MYOCOS: variants seen among roughly 807,000 people sequenced by gnomAD.
MYOCOS encodes myocilin opposite strand.
chr1:171,603,988 AT>A (rs569886176), intron 1 of MYOCOS: 2 of 152,180 alleles, frequency 1.3e-5, no homozygotes, highest in Non-Finnish European at 2.9e-5. Flanking sequence ...CTCTGTGAAA[AT>A]CCCCGCATAA....
chr1:171,612,888 C>T (rs1176524087), intron 1 of MYOCOS, among the ~76,000 whole-genome samples: 1 of 152,100 alleles, frequency 6.6e-6, no homozygotes, highest in East Asian at 1.9e-4. Flanking sequence ...TATCAATTTC[C>T]AAATATGTCC....
At chr1:171,601,468 C>G in intron 1 of MYOCOS, among the ~76,000 whole-genome samples, 1 of 149,316 alleles carries the variant, frequency 6.7e-6, no homozygotes, top group South Asian at 2.1e-4. Flanking sequence ...GTAGTGTGAG[C>G]GTGGTATTTT....
At chr1:171,608,447 T>A (rs182317166) in intron 1 of MYOCOS, among the ~76,000 whole-genome samples, 10 of 115,390 alleles carry the variant, frequency 8.7e-5, no homozygotes, top group Non-Finnish European at 1.3e-4. Context: ...AGATGGAGCC[T>A]TGCTGTGTTG....
At chr1:171,603,909 G>C (rs1346724757) in intron 1 of MYOCOS, among the ~76,000 whole-genome samples, 2 of 152,146 alleles carry the variant, frequency 1.3e-5, no homozygotes, top group African/African-American at 4.8e-5. Flanking sequence ...CCATGCTGTG[G>C]TGACTTTAAT....
intron 2 of MYOCOS, among the ~76,000 whole-genome samples, chr1:171,624,212 G>A (rs1652642820): frequency 6.6e-6 from 1 of 152,150 alleles, no homozygotes; most frequent in African/African-American, 2.4e-5. Context: ...TTCACTGCGT[G>A]GGTGGTCGTG....
chr1:171,624,457 A>ATTATTATTATTG (rs1319888257), intron 2 of MYOCOS, among the ~76,000 whole-genome samples: 2 of 151,232 alleles, frequency 1.3e-5, no homozygotes, highest in Admixed American at 6.6e-5. Context: ...TATTATTATT[A>ATTATTATTATTG]TTATATTGAG....
intron 1 of MYOCOS, among the ~76,000 whole-genome samples, chr1:171,611,911 C>A (rs1219488984): frequency 6.6e-6 from 1 of 152,142 alleles, no homozygotes; most frequent in African/African-American, 2.4e-5. Context: ...CATTAATCTA[C>A]CCTAACAAAT....
chr1:171,603,818 A>T (rs1402374111), intron 1 of MYOCOS, among the ~76,000 whole-genome samples: 4 of 152,242 alleles, frequency 2.6e-5, no homozygotes, highest in Non-Finnish European at 4.4e-5. Context: ...CCCCATGTCC[A>T]ATGGCCCTGG....
chr1:171,621,015 G>A (rs1652555992), upstream of MYOCOS, among the ~76,000 whole-genome samples: 2 of 151,888 alleles, frequency 1.3e-5, no homozygotes, highest in African/African-American at 4.8e-5. Flanking sequence ...TGATCTGCCC[G>A]CCTCGGCCTC....
chr1:171,618,910 TTTTTGACATGAGTATC>T (rs1652501311), upstream of MYOCOS, among the ~76,000 whole-genome samples: 1 of 152,186 alleles, frequency 6.6e-6, no homozygotes, highest in East Asian at 1.9e-4. Flanking sequence ...GTATCCCCCT[TTTTTGACATGAGTATC>T]TTTTGACATG....
intron 1 of MYOCOS, among the ~76,000 whole-genome samples, chr1:171,613,551 T>G (rs1017224267): frequency 7.9e-5 from 12 of 151,924 alleles, no homozygotes; most frequent in African/African-American, 2.7e-4. Context: ...GATGCATTTT[T>G]TTTTTGTTTT....
intron 1 of MYOCOS, among the ~76,000 whole-genome samples, chr1:171,602,415 T>TA (rs1247592104): frequency 6.6e-6 from 1 of 152,084 alleles, no homozygotes; most frequent in African/African-American, 2.4e-5. Flanking sequence ...ATTAAAAGGT[T>TA]AAAAAAATAT....
At chr1:171,603,183 T>C (rs235889) in intron 1 of MYOCOS, among the ~76,000 whole-genome samples, 99,425 of 152,094 alleles carry the variant, frequency 0.65, 32,803 homozygotes, top group African/African-American at 0.74. Flanking sequence ...GTGTCTCTCA[T>C]GGCAGGGAGG....
intron 1 of MYOCOS, among the ~76,000 whole-genome samples, chr1:171,612,378 C>CTGTA (rs945358000): frequency 2.1e-4 from 32 of 152,004 alleles, no homozygotes; most frequent in African/African-American, 6.8e-4. Flanking sequence ...TGCGCCTGGC[C>CTGTA]TGTACCCTCT....
At chr1:171,621,473 T>A (rs1038457746), upstream of MYOCOS, among the ~76,000 whole-genome samples, 2 of 149,884 alleles carry the variant, frequency 1.3e-5, no homozygotes, top group African/African-American at 4.9e-5. Context: ...CCTCCCGGGT[T>A]CACGCCATTC....
chr1:171,626,430 C>A (rs1652704128), intron 2 of MYOCOS, 24 bp from the exon 3 acceptor site: 1 of 398,376 alleles, frequency 2.5e-6, no homozygotes, highest in African/African-American at 2.1e-5. Flanking sequence ...ATTCAAATGG[C>A]ATTCAATGTG....
At chr1:171,616,969 C>T (rs937357010) in intron 2 of MYOCOS, among the ~76,000 whole-genome samples, 7 of 152,144 alleles carry the variant, frequency 4.6e-5, no homozygotes, top group Admixed American at 4.6e-4. Context: ...GGCATGCTGG[C>T]ACCTAGAGAA....
chr1:171,609,693 G>T (rs1278943960), intron 1 of MYOCOS, among the ~76,000 whole-genome samples: 1 of 152,162 alleles, frequency 6.6e-6, no homozygotes, highest in Non-Finnish European at 1.5e-5. Flanking sequence ...TAGACACAGG[G>T]TATATCAATG....
At chr1:171,623,419 G>A (rs1427163510) in intron 1 of MYOCOS, among the ~76,000 whole-genome samples, 2 of 152,134 alleles carry the variant, frequency 1.3e-5, no homozygotes, top group Non-Finnish European at 2.9e-5. Context: ...ACATGTCAGT[G>A]AGGTCAAACA....
Sources: allele counts gnomAD v4.1 joint callset (sites outside exome capture counted in the v4.1 genomes callset), GRCh38; gene constraint gnomAD v4.1.1; transcripts MANE v1.5; gene names NCBI Gene and HGNC (gene_info 2026-07-23, HGNC 2026-07-21).